KCNK13: variants seen among roughly 807,000 people sequenced by gnomAD.
KCNK13 encodes potassium channel subfamily K member 13.
A neutral mutation model predicts 23.4 loss-of-function variants in KCNK13; 12 were observed. The ratio of observed to expected loss-of-function variants is 0.51; its 90% CI spans 0.33 to 0.83. The LOEUF (loss-of-function observed/expected upper bound fraction) is 0.83. Among genes scored for constraint, KCNK13 ranks in the 40% least tolerant of loss-of-function variants. KCNK13 has a pLI of 0.02. For synonymous variants in KCNK13, 231 were observed against 229.5 expected (o/e 1.01, Z -0.06); for missense variants, 463 against 556.3 (o/e 0.83, Z 1.69).
intron 1 of KCNK13, among the ~76,000 whole-genome samples, chr14:90,152,652 C>T (rs915577270): frequency 6.6e-6 from 1 of 152,130 alleles, no homozygotes; most frequent in East Asian, 1.9e-4. Flanking sequence ...ATAAATTATC[C>T]AGTCTCAGGT....
intron 1 of KCNK13, among the ~76,000 whole-genome samples, chr14:90,158,790 A>G (rs1298395217): frequency 4.6e-5 from 7 of 152,210 alleles, no homozygotes; most frequent in Non-Finnish European, 8.8e-5. Flanking sequence ...TGGGGGAGAC[A>G]TGCAAATGTA....
intron 1 of KCNK13, among the ~76,000 whole-genome samples, chr14:90,173,144 C>T (rs767540117): frequency 4.6e-5 from 7 of 152,154 alleles, no homozygotes; most frequent in African/African-American, 7.2e-5. Context: ...GAAGGAGATG[C>T]GAATGAAAAC....
intron 1 of KCNK13, among the ~76,000 whole-genome samples, chr14:90,118,794 C>T (rs931343833): frequency 6.6e-6 from 1 of 152,032 alleles, no homozygotes; most frequent in African/African-American, 2.4e-5. Flanking sequence ...CAAAATCAGA[C>T]CTGAACTGGA....
intron 1 of KCNK13, among the ~76,000 whole-genome samples, chr14:90,087,129 CATATATATATATATATATATAT>C (rs141670518): frequency 8.0e-6 from 1 of 124,708 alleles, no homozygotes; most frequent in Admixed American, 8.9e-5. Context: ...TATATATATA[CATATATATATATATATATATAT>C]ATATTTTTTT....
chr14:90,173,618 T>C (rs1315788694), intron 1 of KCNK13, among the ~76,000 whole-genome samples: 5 of 152,160 alleles, frequency 3.3e-5, no homozygotes, highest in African/African-American at 1.2e-4. Context: ...GGTGTTTGTT[T>C]GCAGGGCACT....
chr14:90,158,841 C>T (rs1302709306), intron 1 of KCNK13, among the ~76,000 whole-genome samples: 1 of 152,224 alleles, frequency 6.6e-6, no homozygotes, highest in Non-Finnish European at 1.5e-5. Context: ...CTGGGACAGG[C>T]CGTAAGAGGA....
At chr14:90,177,315 A>G (rs771661174) in intron 1 of KCNK13, 8 of 152,246 alleles carry the variant, frequency 5.3e-5, no homozygotes, top group Non-Finnish European at 8.8e-5. Context: ...TCACTACTGC[A>G]CTTGGCTAGT....
chr14:90,140,507 T>C (rs1429406045), intron 1 of KCNK13, among the ~76,000 whole-genome samples: 1 of 152,154 alleles, frequency 6.6e-6, no homozygotes, highest in Non-Finnish European at 1.5e-5. Context: ...CTGTGAGTCA[T>C]CATCCCTTCC....
intron 1 of KCNK13, among the ~76,000 whole-genome samples, chr14:90,128,804 TA>T (rs1889833407): frequency 6.6e-6 from 1 of 152,128 alleles, no homozygotes; most frequent in Admixed American, 6.6e-5. Flanking sequence ...TCCCCTTTTT[TA>T]AAAATCTGAT....
At chr14:90,072,272 G>GT (rs1456771942) in intron 1 of KCNK13, among the ~76,000 whole-genome samples, 1 of 152,180 alleles carries the variant, frequency 6.6e-6, no homozygotes, top group Non-Finnish European at 1.5e-5. Flanking sequence ...CAGCTCTCCT[G>GT]TGTCTCTCAA....
rs78483798 is a variant in KCNK13 at position 90,159,978 on chromosome 14, C to T, written c.335-24133C>T. 2.0e-5 allele frequency among the ~76,000 whole-genome samples: 3 copies of T among 149,190 alleles called. No homozygotes were observed. The East Asian group carries it at 5.9e-4, about 29-fold the overall frequency. On this transcript the variant is annotated intron_variant, in intron 1 of 1. Coordinates refer to ENST00000282146, the MANE Select transcript of KCNK13 (RefSeq NM_022054.4). ...GTGTGTGTGTGTGTGTGTGTGTGCA[C>T]ATGCATGCATACAGAGGGGGTTGCA...
intron 1 of KCNK13, among the ~76,000 whole-genome samples, chr14:90,139,031 C>A (rs1438719346): frequency 6.6e-6 from 1 of 152,114 alleles, no homozygotes; most frequent in Non-Finnish European, 1.5e-5. Flanking sequence ...GTTAATCAGG[C>A]ACAGTGGGGC....
chr14:90,074,042 C>T (rs940459097), intron 1 of KCNK13, among the ~76,000 whole-genome samples: 1 of 152,088 alleles, frequency 6.6e-6, no homozygotes, highest in Admixed American at 6.6e-5. Flanking sequence ...GATCTTGGCT[C>T]ACTGCAACCT....
At chr14:90,089,471 A>C (rs1428079659) in intron 1 of KCNK13, among the ~76,000 whole-genome samples, 2 of 152,226 alleles carry the variant, frequency 1.3e-5, no homozygotes, top group East Asian at 1.9e-4. Flanking sequence ...GGTGCTGTTA[A>C]AGGCATTCAG....
At chr14:90,064,527 C>T (rs985357625) in intron 1 of KCNK13, among the ~76,000 whole-genome samples, 4 of 152,138 alleles carry the variant, frequency 2.6e-5, no homozygotes, top group Non-Finnish European at 5.9e-5. Flanking sequence ...AGCTTTTCAT[C>T]CTGCCTCTGT....
chr14:90,125,450 T>C (rs936326167), intron 1 of KCNK13, among the ~76,000 whole-genome samples: 3 of 151,950 alleles, frequency 2.0e-5, no homozygotes, highest in African/African-American at 7.3e-5. Flanking sequence ...GTCTCAATCT[T>C]CTGACCTCGT....
chr14:90,141,874 C>T (rs1459539178), intron 1 of KCNK13, among the ~76,000 whole-genome samples: 1 of 151,794 alleles, frequency 6.6e-6, no homozygotes, highest in Non-Finnish European at 1.5e-5. Flanking sequence ...GCTCCGCCTC[C>T]TGGGTTCACA....
chr14:90,134,591 T>C (rs1184077808), intron 1 of KCNK13, among the ~76,000 whole-genome samples: 16 of 152,200 alleles, frequency 1.1e-4, no homozygotes, highest in Admixed American at 9.2e-4. Context: ...TTCACAATAA[T>C]AGCAGCTCAC....
At chr14:90,171,975 C>A (rs1890369437) in intron 1 of KCNK13, among the ~76,000 whole-genome samples, 1 of 152,102 alleles carries the variant, frequency 6.6e-6, no homozygotes, top group African/African-American at 2.4e-5. Flanking sequence ...TTCTGTCTTG[C>A]AGAACTCAGT....
Sources: gnomAD v4.1 joint callset for allele counts (sites outside exome capture counted in the v4.1 genomes callset) on GRCh38, gnomAD v4.1.1 for gene constraint, MANE v1.5 for transcripts, NCBI Gene and HGNC (gene_info 2026-07-23, HGNC 2026-07-21) for gene names.